MON2: variants seen among roughly 807,000 people sequenced by gnomAD.
The protein encoded by MON2 is protein MON2 homolog.
MON2 carries 84 observed loss-of-function variants against 208.6 expected under a neutral mutation model. The ratio of observed to expected loss-of-function variants is 0.40; its 90% CI spans 0.34 to 0.48. The LOEUF is 0.48. Ranked by LOEUF, MON2 falls within the 20% of genes least tolerant of loss-of-function variation. The pLI is 0.59. For missense variants in MON2, 1,611 were observed against 2,015.4 expected (o/e 0.80, Z 3.84); for synonymous variants, 660 against 694.0 (o/e 0.95, Z 0.77).
rs1227440879 is a variant in MON2, at chr12:62,595,114, T to C, written c.*2365T>C. ...CTTTAAGCAGTAGTAAAAATGTCCT[T>C]TGTCATACTTACTAGAAATACTATG... is the stretch of plus-strand genomic sequence containing the variant. On this transcript the variant is annotated 3_prime_UTR_variant, in exon 35 of 35. Transcript: ENST00000393630. The C allele has an allele frequency of 1.3e-5, 2 of 152,176 alleles. No homozygotes were observed. The highest frequency in any genetic ancestry group is 4.8e-5 in the African/African-American group (2 of 41,440). The allele number at this position is 152,176 out of a possible 1,614,324, so 9.4% of individuals were successfully genotyped here. A position where few individuals can be genotyped will look rare whatever the true frequency, so the allele number is the denominator to read the frequency against.
intron 5 of MON2, 83 bp from the exon 6 acceptor site, chr12:62,500,700 T>C (rs2070779755): frequency 6.0e-6 from 4 of 662,524 alleles, no homozygotes; most frequent in Non-Finnish European, 9.9e-6. Flanking sequence ...AAATATTTAT[T>C]TTAAACATTA....
chr12:62,516,619 G>A (rs1309695416), intron 8 of MON2, among the ~76,000 whole-genome samples: 3 of 152,194 alleles, frequency 2.0e-5, no homozygotes, highest in Non-Finnish European at 4.4e-5. Context: ...CAGGAGAATC[G>A]CTTGAACCCA....
chr12:62,481,715 T>C (rs1010745601), intron 1 of MON2, among the ~76,000 whole-genome samples: 5 of 152,316 alleles, frequency 3.3e-5, no homozygotes, highest in African/African-American at 9.6e-5. Context: ...GGAGATGTAT[T>C]AATTTAATTT....
Position 62,501,644 on chromosome 12 carries a change from T to C in MON2, c.735T>C (p.Phe245=). ...GCATGACAGAAATGACTCGGACGTT[T>C]GGCCTCGAATTACTTGAGTCAGTCC... ...LVGMTEMTRT[F]GLELLESVLN... The change falls in exon 7 of 35, where the codon TTT becomes TTC. Residue 245 remains phenylalanine (F), a synonymous_variant. Transcript: ENST00000393630. 12 of 1,614,218 alleles carry C rather than the reference T, an allele frequency of 7.4e-6. No individual in the cohort carries two copies. Among genetic ancestry groups the C allele is most frequent in the Non-Finnish European group, 1.0e-5 (12 of 1,180,006 alleles).
intron 26 of MON2, 158 bp from the exon 27 acceptor site, chr12:62,565,079 G>C: frequency 1.5e-6 from 1 of 658,062 alleles, no homozygotes; most frequent in South Asian, 2.2e-5. Flanking sequence ...TTCTATAACA[G>C]TTTAAAATAG....
At chr12:62,481,515 CA>C (rs5798644) in intron 1 of MON2, among the ~76,000 whole-genome samples, 2,588 of 110,218 alleles carry the variant, frequency 0.023, 61 homozygotes, top group African/African-American at 0.081. Context: ...GACTCCGTCT[CA>C]AAAAAAAAAA....
At position 62,592,982 on chromosome 12, in the gene MON2, A is replaced by C. The variant is rs2075442908; in HGVS notation, c.*233A>C. 1 of 385,140 alleles carries C rather than the reference A, an allele frequency of 2.6e-6. No individual in the cohort carries two copies. Among genetic ancestry groups the C allele is most frequent in the Admixed American group, 3.7e-5 (1 of 27,336 alleles). The allele number at this position is 385,140 out of a possible 1,614,324, so 23.9% of individuals were successfully genotyped here. A position where few individuals can be genotyped will look rare whatever the true frequency, so the allele number is the denominator to read the frequency against. The stretch of plus-strand genomic sequence containing the variant: ...TTAATAAATTAAACTGATGGGAGGG[A>C]TAATTAACACTACAGTATACATGCT... On this transcript the variant is annotated 3_prime_UTR_variant, in exon 35 of 35. Coordinates refer to ENST00000393630, the MANE Select transcript of MON2 (RefSeq NM_015026.3).
intron 19 of MON2, among the ~76,000 whole-genome samples, chr12:62,541,549 GAGA>G (rs2073244250): frequency 6.6e-6 from 1 of 152,148 alleles, no homozygotes; most frequent in Non-Finnish European, 1.5e-5. Flanking sequence ...ACAACTCTGT[GAGA>G]TTTAGTGGTA....
intron 8 of MON2, among the ~76,000 whole-genome samples, chr12:62,520,853 AATTATAT>A (rs1222123607): frequency 1.4e-5 from 2 of 147,208 alleles, no homozygotes; most frequent in Admixed American, 6.8e-5. Flanking sequence ...ATATATATAT[AATTATAT>A]ATTATATAAT....
rs527611723 is a variant in MON2 at position 62,526,448 on chromosome 12, CT to C, written c.1400+353del. Among the ~76,000 whole-genome samples the C allele has an allele frequency of 9.3e-4, 142 of 152,050 alleles. 5 individuals carry two copies. The highest frequency in any genetic ancestry group is 6.3e-4 in the Non-Finnish European group (43 of 67,940). ...GCTGAGTTACTGTCAGCAAATTAATCTTTTTTTCTTTTTTTTAAACCTCATT... is the reference window on the plus strand; with the variant it reads ...GCTGAGTTACTGTCAGCAAATTAATCTTTTTTCTTTTTTTTAAACCTCATT... On this transcript the variant is annotated intron_variant, in intron 11 of 34. Transcript: ENST00000393630.
chr12:62,468,230 T>G (rs2068608226), intron 1 of MON2, among the ~76,000 whole-genome samples: 1 of 151,638 alleles, frequency 6.6e-6, no homozygotes, highest in Non-Finnish European at 1.5e-5. Context: ...GAAACAGGGT[T>G]TCTCCATGTT....
chr12:62,578,267 T>C (rs2074863543), intron 30 of MON2, among the ~76,000 whole-genome samples, 178 bp from the exon 31 acceptor site: 1 of 152,194 alleles, frequency 6.6e-6, no homozygotes. Flanking sequence ...TGTTTGTAAT[T>C]AGCTTAGTCA....
intron 19 of MON2, 97 bp from the exon 20 acceptor site, chr12:62,543,000 T>G: frequency 1.6e-6 from 1 of 640,642 alleles, no homozygotes. Flanking sequence ...CAATTTTAAT[T>G]TCAGTCATGC....
At chr12:62,490,202 G>C (rs1355432275) in intron 2 of MON2, 3 of 95,176 alleles carry the variant, frequency 3.2e-5, no homozygotes, top group African/African-American at 1.9e-4. Flanking sequence ...CTCTATTAAA[G>C]AGTTACACTA....
chr12:62,585,476 T>A lies in MON2; in HGVS notation c.4882T>A (p.Leu1628Ile). ...ACATCGCTATATAGAGGATGAAAGA[T>A]TAAGTGGTAAATGCCCTCTTCCAAG... ...VLHRYIEDER[L>I]SGKCPLPRQQ... Residue 1628 changes from leucine (L) to isoleucine (I), a missense_variant, in exon 33 of 35, where the codon TTA becomes ATA. Physicochemically the swap from Leu to Ile is conservative, Grantham distance 5. Transcript: ENST00000393630. 6.2e-7 allele frequency: 1 copy of A among 1,609,944 alleles called. No individual in the cohort carries two copies.
chr12:62,587,965 G>T (rs1460938861), intron 33 of MON2, 109 bp from the exon 34 acceptor site: 1 of 672,198 alleles, frequency 1.5e-6, no homozygotes. Flanking sequence ...ATTGTATTGT[G>T]TTCAGTATTT....
intron 1 of MON2, among the ~76,000 whole-genome samples, chr12:62,469,111 T>C (rs1347689678): frequency 2.3e-5 from 3 of 129,088 alleles, no homozygotes; most frequent in Non-Finnish European, 4.7e-5. Context: ...GGCTAATTTT[T>C]CGCCTTTTTT....
intron 4 of MON2, among the ~76,000 whole-genome samples, chr12:62,495,535 A>G (rs2070422247): frequency 6.6e-6 from 1 of 152,014 alleles, no homozygotes; most frequent in African/African-American, 2.4e-5. Flanking sequence ...CTAAAAATAC[A>G]AAAAATTAGC....
chr12:62,570,344 T>G (rs2074546462), intron 29 of MON2, among the ~76,000 whole-genome samples: 3 of 152,038 alleles, frequency 2.0e-5, no homozygotes, highest in Admixed American at 2.0e-4. Context: ...AAAATAGAAG[T>G]AAAAAAGTAC....
Sources: gnomAD v4.1 joint callset for allele counts (sites outside exome capture counted in the v4.1 genomes callset) on GRCh38, gnomAD v4.1.1 for gene constraint, MANE v1.5 for transcripts, NCBI Gene and HGNC (gene_info 2026-07-23, HGNC 2026-07-21) for gene names.